ACAP2: variants seen among roughly 807,000 people sequenced by gnomAD.
The protein encoded by ACAP2 is ArfGAP with coiled-coil, ankyrin repeat and PH domains 2, also known as arf-GAP with coiled-coil, ANK repeat and PH domain-containing protein 2.
A neutral mutation model predicts 115.8 loss-of-function variants in ACAP2; 39 were observed. That is an observed-to-expected ratio of 0.34 (90% confidence interval 0.26 to 0.44). ACAP2 has a LOEUF of 0.44. Among genes scored for constraint, ACAP2 ranks in the 20% least tolerant of loss-of-function variants. The probability of loss-of-function intolerance (pLI) is 1.00; values close to 1 mark genes in which losing one functional copy is unlikely to be tolerated. For synonymous variants in ACAP2, 289 were observed against 315.8 expected, an observed-to-expected ratio of 0.92 and a Z score of 0.90; for missense variants, 662 against 927.6, an observed-to-expected ratio of 0.71 and a Z score of 3.72.
At chr3:195,342,362 C>CT (rs1362133287) in intron 6 of ACAP2, 109 bp downstream of exon 6, 1 of 1,122,214 alleles carries the variant, frequency 8.9e-7, no homozygotes, top group African/African-American at 1.6e-5. Flanking sequence ...TATGTTTTAA[C>CT]TTTAAGTTCA....
intron 8 of ACAP2, among the ~76,000 whole-genome samples, chr3:195,332,561 T>A (rs2108627839): frequency 6.6e-6 from 1 of 152,230 alleles, no homozygotes; most frequent in South Asian, 2.1e-4. Flanking sequence ...AAATAAAACA[T>A]CAAGTCCTCC....
At chr3:195,395,347 T>C (rs1034440486) in intron 1 of ACAP2, among the ~76,000 whole-genome samples, 24 of 151,850 alleles carry the variant, frequency 1.6e-4, no homozygotes, top group Non-Finnish European at 3.2e-4. Context: ...ATAAGGGAGA[T>C]AGATGTTAAG....
intron 1 of ACAP2, among the ~76,000 whole-genome samples, chr3:195,398,615 C>T (rs1309209006): frequency 6.7e-6 from 1 of 150,218 alleles, no homozygotes; most frequent in Admixed American, 6.7e-5. Flanking sequence ...CCAGCCTGGG[C>T]AACAAGAGTG....
At chr3:195,421,079 CT>C (rs1352890254) in intron 1 of ACAP2, among the ~76,000 whole-genome samples, 1 of 152,158 alleles carries the variant, frequency 6.6e-6, no homozygotes, top group African/African-American at 2.4e-5. Context: ...AATCACTGTG[CT>C]TTATTATTAT....
At chr3:195,376,658 A>T (rs1029019494) in intron 4 of ACAP2, among the ~76,000 whole-genome samples, 30 of 152,220 alleles carry the variant, frequency 2.0e-4, no homozygotes, top group African/African-American at 7.0e-4. Context: ...AATAAATTAC[A>T]TGATAATCTA....
At position 195,309,545 on chromosome 3, in the gene ACAP2, CA is replaced by C. The variant is rs199627783; in HGVS notation, c.858-709del. Among the ~76,000 whole-genome samples the C allele has an allele frequency of 6.3e-3, 672 of 106,400 alleles. 5 individuals are homozygous for C. The highest frequency in any genetic ancestry group is 0.038 in the South Asian group (137 of 3,612). The allele number at this position is 106,400 out of a possible 152,430, so 69.8% of individuals were successfully genotyped here. A position where few individuals can be genotyped will look rare whatever the true frequency, so the allele number is the denominator to read the frequency against. ...TGGGCGACCGAGCAAGACTCCGTCT[CA>C]AAAAAAAAAAAAAAGTATCCACTTG... On this transcript the variant is annotated intron_variant, in intron 10 of 22. Transcript: ENST00000326793.
chr3:195,293,094 C>A (rs559192166), intron 18 of ACAP2, among the ~76,000 whole-genome samples: 1 of 152,262 alleles, frequency 6.6e-6, no homozygotes, highest in African/African-American at 2.4e-5. Flanking sequence ...TAAAGACAAT[C>A]ACTGATATGC....
rs1560209890 is a variant in ACAP2, at chr3:195,294,611, ATATAT to A, written c.1765+103_1765+107del. ...AAAGAAGAAAAAAAAAAAAAAAATT[ATATAT>A]ATATATATATATATAATTTTTTTTT... is the stretch of plus-strand genomic sequence containing the variant. On this transcript the variant is annotated intron_variant, in intron 18 of 22. Transcript: ENST00000326793. The A allele has an allele frequency of 9.3e-3, 704 of 75,938 alleles. 9 individuals carry two copies. The highest frequency in any genetic ancestry group is 0.03 in the African/African-American group (602 of 19,770). The allele number at this position is 75,938 out of a possible 1,614,324, so 4.7% of individuals were successfully genotyped here.
At chr3:195,310,484 T>TGAAA (rs1231924307) in intron 10 of ACAP2, among the ~76,000 whole-genome samples, 1 of 152,246 alleles carries the variant, frequency 6.6e-6, no homozygotes, top group East Asian at 1.9e-4. Context: ...CTGATACTGA[T>TGAAA]GAAAGCGTTT....
chr3:195,388,514 T>C (rs1039270870), intron 2 of ACAP2, among the ~76,000 whole-genome samples: 1 of 152,230 alleles, frequency 6.6e-6, no homozygotes. Context: ...CAAGCTAGTT[T>C]AACCTGTCCC....
At chr3:195,370,764 A>G (rs1286314136) in intron 4 of ACAP2, among the ~76,000 whole-genome samples, 2 of 152,166 alleles carry the variant, frequency 1.3e-5, no homozygotes, top group African/African-American at 4.8e-5. Context: ...AGCCTGGGCA[A>G]CATGGCAAAA....
At position 195,344,107 on chromosome 3, in the gene ACAP2, A is replaced by G. The variant is rs189347394; in HGVS notation, c.344+1152T>C. ...GTGGTCCACGCCTGTAGTCCTAACTACTCAGGAGGCTGAGGTGGGAGGATC... is the reference window on the plus strand; with the variant it reads ...GTGGTCCACGCCTGTAGTCCTAACTGCTCAGGAGGCTGAGGTGGGAGGATC... On this transcript the variant is annotated intron_variant, in intron 5 of 22. Coordinates refer to ENST00000326793, the MANE Select transcript of ACAP2 (RefSeq NM_012287.6). 4.3e-4 allele frequency among the ~76,000 whole-genome samples: 66 copies of G among 152,300 alleles called. No homozygotes were observed. The East Asian group carries it at 0.013, about 29-fold the overall frequency.
intron 13 of ACAP2, among the ~76,000 whole-genome samples, chr3:195,303,372 G>T (rs368297608): frequency 1.3e-5 from 2 of 149,910 alleles, no homozygotes; most frequent in Admixed American, 6.7e-5. Context: ...TCATGCCACC[G>T]CACTCCAGCC....
At chr3:195,306,071 A>T (rs1027367907) in intron 13 of ACAP2, among the ~76,000 whole-genome samples, 2 of 152,114 alleles carry the variant, frequency 1.3e-5, no homozygotes, top group African/African-American at 4.8e-5. Context: ...AAGCTCTTTG[A>T]GAAACTGAGG....
rs955146502 is a variant in ACAP2, at chr3:195,300,050, T to C, written c.1395+1525A>G. ...TTCTTTTTTCTTTTTTTTTCTTTTTTTTTTTTTTTTTTTTGAGACACAGTC... is the reference window on the plus strand; with the variant it reads ...TTCTTTTTTCTTTTTTTTTCTTTTTCTTTTTTTTTTTTTTGAGACACAGTC... On this transcript the variant is annotated intron_variant, in intron 15 of 22. Transcript: ENST00000326793. Among the ~76,000 whole-genome samples the C allele has an allele frequency of 1.5e-4, 5 of 33,274 alleles. No homozygotes were observed. The East Asian group carries it at 1.6e-3, about 11-fold the overall frequency. The allele number at this position is 33,274 out of a possible 152,430, so 21.8% of individuals were successfully genotyped here.
chr3:195,420,108 T>C (rs115991286), intron 1 of ACAP2, among the ~76,000 whole-genome samples: 1,953 of 151,956 alleles, frequency 0.013, 32 homozygotes, highest in African/African-American at 0.043. Flanking sequence ...GATTCCTTAC[T>C]CATATTTCCC....
intron 6 of ACAP2, among the ~76,000 whole-genome samples, chr3:195,339,124 G>A (rs1050779412): frequency 3.9e-5 from 6 of 151,964 alleles, no homozygotes; most frequent in East Asian, 3.9e-4. Context: ...CCAGCTACTC[G>A]GCAGGCTGAG....
intron 1 of ACAP2, among the ~76,000 whole-genome samples, chr3:195,428,814 G>C (rs1214476362): frequency 6.6e-6 from 1 of 152,094 alleles, no homozygotes; most frequent in Non-Finnish European, 1.5e-5. Context: ...TGGAGCAACA[G>C]GAACACTCAA....
intron 1 of ACAP2, among the ~76,000 whole-genome samples, chr3:195,420,316 T>G (rs1020729216): frequency 1.3e-5 from 2 of 152,186 alleles, no homozygotes; most frequent in African/African-American, 4.8e-5. Flanking sequence ...TGAATTATTT[T>G]ATTCATTTTC....
Sources: gnomAD v4.1 joint callset for allele counts (sites outside exome capture counted in the v4.1 genomes callset) on GRCh38, gnomAD v4.1.1 for gene constraint, MANE v1.5 for transcripts, NCBI Gene and HGNC (gene_info 2026-07-23, HGNC 2026-07-21) for gene names.